PDGFRL: variants seen among roughly 807,000 people sequenced by gnomAD.
PDGFRL encodes platelet-derived growth factor receptor-like protein.
PDGFRL carries 46 observed loss-of-function variants against 37.2 expected under a neutral mutation model. That is an observed-to-expected ratio of 1.24 (90% CI 0.98 to 1.58). The LOEUF (loss-of-function observed/expected upper bound fraction) is 1.58, where lower values mean the gene tolerates loss of function less well. PDGFRL is among the 40% of genes most tolerant of loss of function. The probability of loss-of-function intolerance (pLI) is 0.00; values close to 1 mark genes in which losing one functional copy is unlikely to be tolerated. For synonymous variants in PDGFRL, 251 were observed against 184.3 expected (o/e 1.36, Z -2.93); for missense variants, 692 against 467.6 (o/e 1.48, Z -4.43).
intron 2 of PDGFRL, among the ~76,000 whole-genome samples, chr8:17,615,524 C>G (rs553778201): frequency 6.6e-6 from 1 of 152,290 alleles, no homozygotes; most frequent in South Asian, 2.1e-4. Context: ...AGTTGCTTCT[C>G]TATGTTTCGG....
intron 1 of PDGFRL, among the ~76,000 whole-genome samples, chr8:17,582,600 A>C (rs987874231): frequency 3.0e-5 from 4 of 134,628 alleles, no homozygotes; most frequent in South Asian, 2.5e-4. Flanking sequence ...AAAAAAAAAA[A>C]CTTAGGCTCA....
intron 2 of PDGFRL, among the ~76,000 whole-genome samples, chr8:17,600,770 C>G (rs1311745885): frequency 6.6e-6 from 1 of 151,148 alleles, no homozygotes; most frequent in African/African-American, 2.4e-5. Context: ...TGACTGTGCT[C>G]CAGCCTGGGC....
chr8:17,598,743 T>A (rs1415964966), intron 2 of PDGFRL, among the ~76,000 whole-genome samples: 21 of 152,172 alleles, frequency 1.4e-4, no homozygotes, highest in Admixed American at 1.4e-3. Context: ...AATTCCCACA[T>A]GTTGTGGGAG....
chr8:17,627,266 G>C (rs542955130), intron 3 of PDGFRL, among the ~76,000 whole-genome samples: 409 of 152,220 alleles, frequency 2.7e-3, no homozygotes, highest in African/African-American at 9.4e-3. Context: ...TAAATATTGA[G>C]TTTGCTGTAA....
intron 1 of PDGFRL, among the ~76,000 whole-genome samples, chr8:17,586,952 A>C (rs3780113): frequency 1.3e-5 from 2 of 152,154 alleles, no homozygotes; most frequent in African/African-American, 2.4e-5. Flanking sequence ...CAAAAATTCA[A>C]TGGTAATGGA....
intron 3 of PDGFRL, among the ~76,000 whole-genome samples, chr8:17,625,071 T>C (rs1232523506): frequency 1.3e-5 from 2 of 152,046 alleles, no homozygotes; most frequent in Non-Finnish European, 2.9e-5. Flanking sequence ...ACATGTGCCA[T>C]GCTGGTGTGC....
At chr8:17,616,813 G>A (rs1345496532) in intron 2 of PDGFRL, among the ~76,000 whole-genome samples, 1 of 152,158 alleles carries the variant, frequency 6.6e-6, no homozygotes, top group Non-Finnish European at 1.5e-5. Context: ...TACTTACTAA[G>A]TATGTGTGGG....
At chr8:17,610,867 C>T (rs1356786505) in intron 2 of PDGFRL, among the ~76,000 whole-genome samples, 1 of 152,190 alleles carries the variant, frequency 6.6e-6, no homozygotes, top group African/African-American at 2.4e-5. Flanking sequence ...GCCGAGATCA[C>T]ACCACTGCAC....
rs533619605 is a variant in PDGFRL at position 17,619,232 on chromosome 8, G to C, written c.354-1819G>C. On this transcript the variant is annotated intron_variant, in intron 2 of 5. Transcript: ENST00000251630. The stretch of plus-strand genomic sequence containing the variant: ...TCCCCAGATTAAAACTGCTTATTTT[G>C]GCGCCCCCATGTGCTGAGGCTCTCA... 4.6e-5 allele frequency among the ~76,000 whole-genome samples: 7 copies of C among 152,220 alleles called. No homozygotes were observed. In the South Asian group the frequency reaches 1.2e-3, roughly 27 times the overall value.
intron 2 of PDGFRL, among the ~76,000 whole-genome samples, chr8:17,611,222 C>G (rs1375420313): frequency 2.0e-5 from 3 of 152,122 alleles, no homozygotes; most frequent in African/African-American, 7.2e-5. Flanking sequence ...CTTTAAGGTC[C>G]CTCTCAGTTC....
chr8:17,621,307 C>T, intron 3 of PDGFRL, 105 bp downstream of exon 3: 2 of 693,054 alleles, frequency 2.9e-6, no homozygotes, highest in Admixed American at 2.9e-5. Context: ...ACAATCAGAG[C>T]ACTTCCTGTT....
At chr8:17,581,389 C>T (rs1458264555) in intron 1 of PDGFRL, among the ~76,000 whole-genome samples, 1 of 152,102 alleles carries the variant, frequency 6.6e-6, no homozygotes, top group Non-Finnish European at 1.5e-5. Flanking sequence ...TTAGGGCTGG[C>T]TTCTAGATGA....
At chr8:17,603,428 G>A (rs1804207900) in intron 2 of PDGFRL, among the ~76,000 whole-genome samples, 1 of 152,132 alleles carries the variant, frequency 6.6e-6, no homozygotes, top group African/African-American at 2.4e-5. Context: ...ATCCCTTCGA[G>A]GCTAATATAA....
At chr8:17,593,740 C>T (rs901264985) in intron 2 of PDGFRL, among the ~76,000 whole-genome samples, 1 of 151,766 alleles carries the variant, frequency 6.6e-6, no homozygotes, top group Non-Finnish European at 1.5e-5. Flanking sequence ...ACTAAAAATA[C>T]AAAATTAGCT....
At chr8:17,596,788 G>C (rs1269858899) in intron 2 of PDGFRL, among the ~76,000 whole-genome samples, 4 of 152,220 alleles carry the variant, frequency 2.6e-5, no homozygotes, top group African/African-American at 9.7e-5. Flanking sequence ...TCTAGTCATA[G>C]CTATATCAAC....
intron 2 of PDGFRL, among the ~76,000 whole-genome samples, chr8:17,594,971 G>C (rs966641390): frequency 6.6e-6 from 1 of 151,218 alleles, no homozygotes; most frequent in South Asian, 2.1e-4. Context: ...TAATTCTTTT[G>C]GATGTATACC....
Position 17,589,776 on chromosome 8 carries a change from T to A in PDGFRL, c.353+11T>A. 1 of 1,557,734 alleles carries A rather than the reference T, an allele frequency of 6.4e-7. No homozygotes were observed. Among genetic ancestry groups the A allele is most frequent in the Non-Finnish European group, 8.8e-7 (1 of 1,142,828 alleles). ...GGATTCTCGCCTCAGGTAAGCATTT[T>A]TTTTTAAAACTGTGTAGGGTTGAGG... On this transcript the variant is annotated intron_variant, in intron 2 of 5. Coordinates refer to ENST00000251630, the MANE Select transcript of PDGFRL (RefSeq NM_001372073.1).
At chr8:17,617,773 A>C (rs1386486536) in intron 2 of PDGFRL, among the ~76,000 whole-genome samples, 1 of 152,156 alleles carries the variant, frequency 6.6e-6, no homozygotes, top group Admixed American at 6.5e-5. Flanking sequence ...GTTATTCCCA[A>C]GTGTTAATTT....
chr8:17,584,416 T>C (rs994497436), intron 1 of PDGFRL, among the ~76,000 whole-genome samples: 8 of 151,976 alleles, frequency 5.3e-5, no homozygotes, highest in Admixed American at 2.0e-4. Context: ...GGACAGGAGC[T>C]AGGGCAGCTT....
Sources: gnomAD v4.1 joint callset for allele counts (sites outside exome capture counted in the v4.1 genomes callset) on GRCh38, gnomAD v4.1.1 for gene constraint, MANE v1.5 for transcripts, NCBI Gene and HGNC (gene_info 2026-07-23, HGNC 2026-07-21) for gene names.